Variants in CDHR1 observed in about 807,000 individuals in gnomAD.
CDHR1 encodes cadherin-related family member 1.
In CDHR1, 61 loss-of-function variants were observed where a neutral mutation model predicts 72.1. That is an observed-to-expected ratio of 0.85 (90% CI 0.69 to 1.05). CDHR1 has a LOEUF of 1.05. Ranked by LOEUF, CDHR1 falls within the 50% of genes least tolerant of loss-of-function variation. The pLI, the probability that CDHR1 is intolerant of heterozygous loss-of-function variation, is 0.00. For synonymous variants in CDHR1, 470 were observed against 448.1 expected, an observed-to-expected ratio of 1.05 and a Z score of -0.62; for missense variants, 1,186 against 1,115.7, an observed-to-expected ratio of 1.06 and a Z score of -0.90.
chr10:84,194,711 C>A lies in CDHR1; in HGVS notation c.-50C>A. On this transcript the variant is annotated 5_prime_UTR_variant, in exon 1 of 17. Coordinates refer to ENST00000623527, the MANE Select transcript of CDHR1 (RefSeq NM_033100.4). ...GCGGGCCCAGGGCATGCTCCGTGCCCCTGCGCCCGGTCTCGGCGGCGGCAG... is the reference window on the plus strand; with the variant it reads ...GCGGGCCCAGGGCATGCTCCGTGCCACTGCGCCCGGTCTCGGCGGCGGCAG... The A allele has an allele frequency of 2.1e-6, 3 of 1,441,742 alleles. No homozygotes were observed. The highest frequency in any genetic ancestry group is 2.7e-6 in the Non-Finnish European group (3 of 1,104,088). 89.3% of individuals were successfully genotyped at this position (1,441,742 alleles called of 1,614,324 possible). A position where few individuals can be genotyped will look rare whatever the true frequency, so the allele number is the denominator to read the frequency against.
At position 84,213,140 on chromosome 10, in the gene CDHR1, T is replaced by C; in HGVS notation, c.1832T>C (p.Ile611Thr). 1 of 1,614,160 alleles carries C rather than the reference T, an allele frequency of 6.2e-7. No homozygotes were observed. Among genetic ancestry groups the C allele is most frequent in the Non-Finnish European group, 8.5e-7 (1 of 1,180,026 alleles). ...CCCAACAACCTGGTGGACTATTCCA[T>C]CACCCATGCAGAGCCCGCCAACGTG... The part of the protein sequence containing the change: ...EEPNNLVDYS[I>T]THAEPANVFD... The change falls in exon 16 of 17, where the codon ATC becomes ACC. Residue 611 changes from isoleucine (I) to threonine (T), a missense_variant. Transcript: ENST00000623527.
intron 8 of CDHR1, among the ~76,000 whole-genome samples, chr10:84,203,564 A>T (rs1225821457): frequency 1.3e-5 from 2 of 152,064 alleles, no homozygotes; most frequent in Non-Finnish European, 2.9e-5. Context: ...ACAGGTGCAC[A>T]CCACCATGCT....
At position 84,216,966 on chromosome 10, in the gene CDHR1, G is replaced by C; in HGVS notation, c.*2345G>C. On this transcript the variant is annotated 3_prime_UTR_variant, in exon 17 of 17. Coordinates refer to ENST00000623527, the MANE Select transcript of CDHR1 (RefSeq NM_033100.4). ...GAAGCTTGGGCTTGCAAGTGGATCCGGGACCGAGGGTGGTCTCTTGGACAA... is the reference window on the plus strand; with the variant it reads ...GAAGCTTGGGCTTGCAAGTGGATCCCGGACCGAGGGTGGTCTCTTGGACAA... The C allele has an allele frequency of 2.0e-6, 2 of 985,480 alleles. No homozygotes were observed. Among genetic ancestry groups the C allele is most frequent in the Non-Finnish European group, 2.4e-6 (2 of 829,962 alleles). 61.0% of individuals were successfully genotyped at this position (985,480 alleles called of 1,614,324 possible).
At chr10:84,205,352 C>A (rs1842204957) in intron 9 of CDHR1, among the ~76,000 whole-genome samples, 1 of 152,082 alleles carries the variant, frequency 6.6e-6, no homozygotes, top group Non-Finnish European at 1.5e-5. Context: ...ATCACCACTG[C>A]AAACCTTTAC....
In CDHR1 at chr10:84,218,115, C is replaced by T; in HGVS notation, c.*3494C>T. ...GGCACATCCTGACAGTCTTCAAGGCCTTGGCCACCAAGGGATGGAGAGGGA... is the reference window on the plus strand; with the variant it reads ...GGCACATCCTGACAGTCTTCAAGGCTTTGGCCACCAAGGGATGGAGAGGGA... On this transcript the variant is annotated 3_prime_UTR_variant, in exon 17 of 17. Transcript: ENST00000623527. 2.0e-6 allele frequency: 2 copies of T among 985,462 alleles called. No individual in the cohort carries two copies. Among genetic ancestry groups the T allele is most frequent in the South Asian group, 4.7e-5 (1 of 21,290 alleles). The allele number at this position is 985,462 out of a possible 1,614,324, so 61.0% of individuals were successfully genotyped here. A position where few individuals can be genotyped will look rare whatever the true frequency, so the allele number is the denominator to read the frequency against.
chr10:84,197,733 G>C, intron 3 of CDHR1, 53 bp from the exon 4 acceptor site: 2 of 1,512,472 alleles, frequency 1.3e-6, no homozygotes, highest in Non-Finnish European at 1.8e-6. Context: ...AGCCACAGGG[G>C]TCCTATGGCG....
Position 84,214,273 on chromosome 10 carries a change from C to T in CDHR1, c.2232C>T (p.Pro744=). ...LPMRRVLRKR[P]SPAPRTIRIE... ...TGCGGCGGGTGCTCCGCAAGCGGCCCAGCCCTGCGCCCCGCACCATCCGCA... is the reference window on the plus strand; with the variant it reads ...TGCGGCGGGTGCTCCGCAAGCGGCCTAGCCCTGCGCCCCGCACCATCCGCA... Residue 744 remains proline (P), a synonymous_variant, in exon 17 of 17, where the codon CCC becomes CCT. Transcript: ENST00000623527. 6.2e-7 allele frequency: 1 copy of T among 1,613,750 alleles called. No individual in the cohort carries two copies. The highest frequency in any genetic ancestry group is 8.5e-7 in the Non-Finnish European group (1 of 1,180,032).
chr10:84,214,867 C>T lies in CDHR1; in HGVS notation c.*246C>T, dbSNP rs1278964640. ...AGGATGCAATTGGCAAATACGTCCC[C>T]GTTACTCAAATCCTTGGCACTACTA... On this transcript the variant is annotated 3_prime_UTR_variant, in exon 17 of 17. Coordinates refer to ENST00000623527, the MANE Select transcript of CDHR1 (RefSeq NM_033100.4). The T allele has an allele frequency of 2.1e-6, 3 of 1,443,110 alleles. No individual in the cohort carries two copies. The highest frequency in any genetic ancestry group is 2.7e-6 in the Non-Finnish European group (3 of 1,105,694). The allele number at this position is 1,443,110 out of a possible 1,614,324, so 89.4% of individuals were successfully genotyped here. A position where few individuals can be genotyped will look rare whatever the true frequency, so the allele number is the denominator to read the frequency against.
chr10:84,196,364 G>A, intron 2 of CDHR1, 141 bp from the exon 3 acceptor site: 1 of 879,218 alleles, frequency 1.1e-6, no homozygotes, highest in South Asian at 1.4e-5. Flanking sequence ...CCAGCAATGA[G>A]CACCAAGTTC....
chr10:84,208,954 C>T (rs1281313969), intron 12 of CDHR1, 73 bp downstream of exon 12: 2 of 1,474,902 alleles, frequency 1.4e-6, no homozygotes, highest in Non-Finnish European at 9.3e-7. Flanking sequence ...TTGGTTCATT[C>T]CTGAGGGGTC....
At chr10:84,200,785 CTA>C in intron 6 of CDHR1, 98 bp downstream of exon 6, 1 of 808,214 alleles carries the variant, frequency 1.2e-6, no homozygotes, top group Admixed American at 2.0e-5. Flanking sequence ...GTCGGTGCCT[CTA>C]TGATTCCCGA....
Position 84,198,948 on chromosome 10 carries a change from A to G in CDHR1, c.349-84A>G, listed in dbSNP as rs527631891. ...AGAGGAGGGATGGGCAGAGACGTGT[A>G]CATTGGAGTGATAGAGGTCGCTATC... On this transcript the variant is annotated intron_variant, in intron 4 of 16. Coordinates refer to ENST00000623527, the MANE Select transcript of CDHR1 (RefSeq NM_033100.4). 31 of 971,180 alleles carry G rather than the reference A, an allele frequency of 3.2e-5. No homozygotes were observed. The African/African-American group carries it at 4.4e-4, about 14-fold the overall frequency. The allele number at this position is 971,180 out of a possible 1,614,324, so 60.2% of individuals were successfully genotyped here.
Position 84,212,832 on chromosome 10 carries a change from A to G in CDHR1, c.1783-259A>G, listed in dbSNP as rs1235020625. The stretch of plus-strand genomic sequence containing the variant: ...TTTGCATCTAAGCTTTCATTTCTGC[A>G]TCTGTAATATGGATTCACCAATATT... On this transcript the variant is annotated intron_variant, in intron 15 of 16. Transcript: ENST00000623527. 53 of 582,698 alleles carry G rather than the reference A, an allele frequency of 9.1e-5. 1 individual carries two copies. The East Asian group carries it at 1.5e-3, about 17-fold the overall frequency. 36.1% of individuals were successfully genotyped at this position (582,698 alleles called of 1,614,324 possible).
Position 84,196,550 on chromosome 10 carries a change from C to T in CDHR1, c.197C>T (p.Pro66Leu), listed in dbSNP as rs1448925051. 2.5e-6 allele frequency: 4 copies of T among 1,614,140 alleles called. No individual in the cohort carries two copies. The highest frequency in any genetic ancestry group is 3.4e-6 in the Non-Finnish European group (4 of 1,179,964). ...TLNGTDPEGD[P>L]ISYHISFDPS... ...AATGGGACAGACCCTGAGGGAGACC[C>T]CATCTCCTACCACATCAGCTTTGAC... Residue 66 changes from proline (P) to leucine (L), a missense_variant, in exon 3 of 17, where the codon CCC (proline) becomes CTC (leucine). Coordinates refer to ENST00000623527, the MANE Select transcript of CDHR1 (RefSeq NM_033100.4).
At position 84,200,688 on chromosome 10, in the gene CDHR1, G is replaced by A. The variant is rs373412516; in HGVS notation, c.525+1G>A. The A allele has an allele frequency of 6.9e-6, 11 of 1,604,980 alleles. No individual in the cohort carries two copies. In the Admixed American group the frequency reaches 1.7e-4, roughly 25 times the overall value. On this transcript the variant is annotated splice_donor_variant, in intron 6 of 16. Transcript: ENST00000623527. LOFTEE classifies it high-confidence loss of function. ...AGGGAGTGTCACCTACTTCCTGCAG[G>A]TAAGGCAGGACACACAGGACCTAAC...
At chr10:84,203,395 A>G (rs1241217702) in intron 8 of CDHR1, among the ~76,000 whole-genome samples, 6 of 151,426 alleles carry the variant, frequency 4.0e-5, no homozygotes, top group African/African-American at 7.3e-5. Flanking sequence ...TGCTTTCTCA[A>G]TTTGCGTTTG....
chr10:84,203,733 AG>A (rs1842173797), intron 8 of CDHR1, among the ~76,000 whole-genome samples: 2 of 152,200 alleles, frequency 1.3e-5, no homozygotes, highest in South Asian at 4.1e-4. Flanking sequence ...GACTTTACAA[AG>A]CAAAATGAAA....
rs1393725265 is a variant in CDHR1, at chr10:84,215,250, A to C, written c.*629A>C. The C allele has an allele frequency of 6.9e-5, 68 of 990,490 alleles. No homozygotes were observed. The highest frequency in any genetic ancestry group is 8.0e-5 in the Non-Finnish European group (67 of 833,074). 61.4% of individuals were successfully genotyped at this position (990,490 alleles called of 1,614,324 possible). ...CATTCTGTCTGGGCAGAGACTGTGGACCCTGGTATGCCCACGTGGGACAGA... is the reference window on the plus strand; with the variant it reads ...CATTCTGTCTGGGCAGAGACTGTGGCCCCTGGTATGCCCACGTGGGACAGA... On this transcript the variant is annotated 3_prime_UTR_variant, in exon 17 of 17. Coordinates refer to ENST00000623527, the MANE Select transcript of CDHR1 (RefSeq NM_033100.4).
intron 8 of CDHR1, among the ~76,000 whole-genome samples, chr10:84,203,711 C>T (rs946016687): frequency 3.9e-5 from 6 of 152,206 alleles, no homozygotes; most frequent in Non-Finnish European, 7.3e-5. Context: ...CCACCGCGCC[C>T]GGCCTATTAT....
Sources: allele counts gnomAD v4.1 joint callset (sites outside exome capture counted in the v4.1 genomes callset), GRCh38; gene constraint gnomAD v4.1.1; transcripts MANE v1.5; gene names NCBI Gene and HGNC (gene_info 2026-07-23, HGNC 2026-07-21).